Variants in MEIKIN observed in about 807,000 individuals in gnomAD.
MEIKIN encodes meiosis-specific kinetochore protein.
intron 8 of MEIKIN, among the ~76,000 whole-genome samples, chr5:131,895,397 C>T (rs1158902816): frequency 2.0e-5 from 3 of 152,084 alleles, no homozygotes; most frequent in Non-Finnish European, 4.4e-5. Flanking sequence ...ATGATGCTGG[C>T]CTCATAAAAT....
At chr5:131,866,381 G>A (rs536774534) in intron 9 of MEIKIN, among the ~76,000 whole-genome samples, 45 of 152,202 alleles carry the variant, frequency 3.0e-4, no homozygotes, top group Non-Finnish European at 5.9e-4. Flanking sequence ...GCTAGGTTGT[G>A]CCTTTAGGCC....
In MEIKIN at chr5:131,914,581, G is replaced by A. The variant is rs367760562; in HGVS notation, c.638+2305C>T. 2.4e-3 allele frequency among the ~76,000 whole-genome samples: 21 copies of A among 8,900 alleles called. No homozygotes were observed. In the South Asian group the frequency reaches 0.039, roughly 17 times the overall value. The allele number at this position is 8,900 out of a possible 152,430, so 5.8% of individuals were successfully genotyped here. Reference sequence around the variant, plus strand: ...GAGGGAAGGGGGAAGAGAAGGGAAGGGAAGGGAAGGGAAGGGAAGGGAAGG... The same window carrying A: ...GAGGGAAGGGGGAAGAGAAGGGAAGAGAAGGGAAGGGAAGGGAAGGGAAGG... On this transcript the variant is annotated intron_variant, in intron 7 of 12. Transcript: ENST00000442687.
chr5:131,925,097 T>C (rs1002441793), intron 5 of MEIKIN, among the ~76,000 whole-genome samples: 1 of 152,238 alleles, frequency 6.6e-6, no homozygotes, highest in South Asian at 2.1e-4. Context: ...TGTGTATTCT[T>C]GGCACTCCAT....
At chr5:131,861,536 A>C (rs1032435618) in intron 9 of MEIKIN, among the ~76,000 whole-genome samples, 2 of 152,162 alleles carry the variant, frequency 1.3e-5, no homozygotes, top group Non-Finnish European at 2.9e-5. Context: ...TCTTGTTCTT[A>C]GAGGAAAGGC....
intron 6 of MEIKIN, 23 bp downstream of exon 6, chr5:131,921,799 G>A (rs989744055): frequency 1.3e-5 from 5 of 398,834 alleles, no homozygotes; most frequent in Non-Finnish European, 2.2e-5. Flanking sequence ...GATGAGAAAT[G>A]TTCCCCTGTG....
chr5:131,824,348 TAAA>T (rs1238238504), intron 11 of MEIKIN, among the ~76,000 whole-genome samples: 2 of 140,542 alleles, frequency 1.4e-5, no homozygotes, highest in Non-Finnish European at 3.1e-5. Flanking sequence ...GACCTGGCTC[TAAA>T]AAAAAAAAAA....
chr5:131,922,171 G>A (rs1436312694), intron 5 of MEIKIN, among the ~76,000 whole-genome samples: 2 of 152,060 alleles, frequency 1.3e-5, no homozygotes, highest in African/African-American at 4.8e-5. Context: ...TCTACCATGC[G>A]GATTATTGAT....
chr5:131,928,641 T>C (rs985386489), intron 5 of MEIKIN, among the ~76,000 whole-genome samples: 1 of 152,200 alleles, frequency 6.6e-6, no homozygotes, highest in Non-Finnish European at 1.5e-5. Context: ...ATACCAGAAC[T>C]AAAAGTGATT....
At chr5:131,921,987 T>C in intron 5 of MEIKIN, 46 bp from the exon 6 acceptor site, 1 of 398,442 alleles carries the variant, frequency 2.5e-6, no homozygotes, top group Non-Finnish European at 4.4e-6. Flanking sequence ...AACAACAGCC[T>C]ACAAATGATG....
chr5:131,941,077 AG>A (rs1751861866), intron 4 of MEIKIN, among the ~76,000 whole-genome samples: 1 of 150,856 alleles, frequency 6.6e-6, no homozygotes, highest in Non-Finnish European at 1.5e-5. Context: ...ATTATGAAAA[AG>A]GGACCAGATA....
intron 8 of MEIKIN, among the ~76,000 whole-genome samples, chr5:131,907,057 A>T (rs189191626): frequency 6.6e-6 from 1 of 152,212 alleles, no homozygotes; most frequent in South Asian, 2.1e-4. Context: ...ACTAACAAAC[A>T]CATGAAAATT....
intron 9 of MEIKIN, among the ~76,000 whole-genome samples, chr5:131,875,222 C>T (rs981462056): frequency 2.0e-5 from 3 of 152,216 alleles, no homozygotes; most frequent in African/African-American, 4.8e-5. Flanking sequence ...TTGCAGATGA[C>T]ATGATTGTGT....
chr5:131,935,286 AAAAG>A (rs1305605031), intron 4 of MEIKIN, among the ~76,000 whole-genome samples: 8 of 148,908 alleles, frequency 5.4e-5, no homozygotes, highest in Non-Finnish European at 7.5e-5. Flanking sequence ...AAAAAAAAAA[AAAAG>A]AAAGAAAGAA....
At chr5:131,878,732 G>A (rs569472686) in intron 9 of MEIKIN, among the ~76,000 whole-genome samples, 6 of 152,038 alleles carry the variant, frequency 3.9e-5, no homozygotes, top group South Asian at 2.1e-4. Context: ...TTAGCTTGGC[G>A]TGGTAGTGCA....
At chr5:131,819,435 A>T (rs1749438572) in intron 11 of MEIKIN, among the ~76,000 whole-genome samples, 1 of 42,906 alleles carries the variant, frequency 2.3e-5, no homozygotes, top group Non-Finnish European at 4.1e-5. Flanking sequence ...GGAGAGGGGG[A>T]GGGAGAGGAG....
chr5:131,896,894 T>C (rs1284075562), intron 8 of MEIKIN, among the ~76,000 whole-genome samples: 1 of 152,176 alleles, frequency 6.6e-6, no homozygotes, highest in African/African-American at 2.4e-5. Flanking sequence ...TTAAGGTTAA[T>C]ATTATTATGT....
At chr5:131,857,536 T>C (rs1000700069) in intron 9 of MEIKIN, among the ~76,000 whole-genome samples, 5 of 152,192 alleles carry the variant, frequency 3.3e-5, no homozygotes, top group African/African-American at 1.2e-4. Context: ...GGCCCCAGCA[T>C]GGCATGCCCG....
At chr5:131,918,807 C>T (rs2149646605) in intron 6 of MEIKIN, among the ~76,000 whole-genome samples, 2 of 152,304 alleles carry the variant, frequency 1.3e-5, no homozygotes, top group South Asian at 4.1e-4. Flanking sequence ...TGCCCTATCT[C>T]ATTCTTTCTA....
intron 6 of MEIKIN, among the ~76,000 whole-genome samples, chr5:131,920,202 A>G (rs540074516): frequency 1.8e-4 from 27 of 152,354 alleles, no homozygotes; most frequent in Non-Finnish European, 3.5e-4. Flanking sequence ...ACGAATGATG[A>G]AAATATTGGA....
Sources: gnomAD v4.1 joint callset for allele counts (sites outside exome capture counted in the v4.1 genomes callset) on GRCh38, gnomAD v4.1.1 for gene constraint, MANE v1.5 for transcripts, NCBI Gene and HGNC (gene_info 2026-07-23, HGNC 2026-07-21) for gene names.